Variants in TMOD3 observed in about 807,000 individuals in gnomAD.
The protein encoded by TMOD3 is tropomodulin 3, also known as tropomodulin-3.
A neutral mutation model predicts 39.2 loss-of-function variants in TMOD3; 20 were observed. That is an observed-to-expected ratio of 0.51 (90% confidence interval 0.36 to 0.74). TMOD3 has a LOEUF of 0.74. Among genes scored for constraint, TMOD3 ranks in the 30% least tolerant of loss-of-function variants. TMOD3 has a pLI of 0.00. For synonymous variants in TMOD3, 143 were observed against 145.8 expected (o/e 0.98, Z 0.14); for missense variants, 381 against 412.8 (o/e 0.92, Z 0.67).
chr15:51,874,242 T>C (rs1017099670), intron 3 of TMOD3, among the ~76,000 whole-genome samples: 5 of 152,214 alleles, frequency 3.3e-5, no homozygotes, highest in Non-Finnish European at 7.3e-5. Context: ...TTAAGAGTTA[T>C]TATATGTAAA....
intron 3 of TMOD3, among the ~76,000 whole-genome samples, chr15:51,877,272 T>C (rs1339692661): frequency 9.2e-5 from 14 of 152,234 alleles, no homozygotes; most frequent in South Asian, 2.1e-4. Context: ...ATCAAACATA[T>C]TAACTTTCCA....
At chr15:51,861,072 A>G (rs1595895920) in intron 1 of TMOD3, 4 of 657,896 alleles carry the variant, frequency 6.1e-6, no homozygotes, top group Non-Finnish European at 7.9e-6. Context: ...TGAATATCCA[A>G]TGCGTGTTCT....
rs574601536 is a variant in TMOD3, at chr15:51,864,484, G to C, written c.126+1474G>C. 4.6e-5 allele frequency among the ~76,000 whole-genome samples: 7 copies of C among 152,134 alleles called. No homozygotes were observed. The East Asian group carries it at 1.4e-3, about 29-fold the overall frequency. ...GTTGTTTTAATCAGGTTTGGTAATGGATGACACACACTGAAACTACTGCCT... is the reference window on the plus strand; with the variant it reads ...GTTGTTTTAATCAGGTTTGGTAATGCATGACACACACTGAAACTACTGCCT... On this transcript the variant is annotated intron_variant, in intron 2 of 9. Coordinates refer to ENST00000308580, the MANE Select transcript of TMOD3 (RefSeq NM_014547.5).
intron 2 of TMOD3, among the ~76,000 whole-genome samples, chr15:51,865,188 C>T (rs1402089179): frequency 6.6e-6 from 1 of 152,032 alleles, no homozygotes; most frequent in African/African-American, 2.4e-5. Flanking sequence ...GACAGGGTCT[C>T]GTTATGTTAC....
chr15:51,887,504 G>C, intron 3 of TMOD3, 85 bp from the exon 4 acceptor site: 2 of 1,396,930 alleles, frequency 1.4e-6, no homozygotes, highest in Non-Finnish European at 1.9e-6. Flanking sequence ...TTCAGGTTCA[G>C]TTGTACATGC....
intron 9 of TMOD3, among the ~76,000 whole-genome samples, chr15:51,903,684 T>A (rs1464823311): frequency 6.6e-6 from 1 of 152,220 alleles, no homozygotes; most frequent in African/African-American, 2.4e-5. Context: ...GCTTCACTAG[T>A]TAGCTTCTAT....
intron 3 of TMOD3, among the ~76,000 whole-genome samples, chr15:51,885,219 T>C (rs1197766260): frequency 1.3e-5 from 2 of 152,198 alleles, no homozygotes; most frequent in Admixed American, 6.5e-5. Context: ...ATGGAACATA[T>C]GGTCATAAAC....
Position 51,869,344 on chromosome 15 carries a change from A to G in TMOD3, c.254A>G (p.Asp85Gly). ...GCATTGGAGCATAAAGACAGGGAAGACTATGTGCCCTACACTGGAGAAAAA... is the reference window on the plus strand; with the variant it reads ...GCATTGGAGCATAAAGACAGGGAAGGCTATGTGCCCTACACTGGAGAAAAA... ...KEALEHKDRE[D>G]YVPYTGEKKG... The change falls in exon 3 of 10, where the codon GAC becomes GGC. Residue 85 changes from aspartate (D) to glycine (G), a missense_variant. Coordinates refer to ENST00000308580, the MANE Select transcript of TMOD3 (RefSeq NM_014547.5). The G allele has an allele frequency of 1.9e-6, 3 of 1,614,090 alleles. No individual in the cohort carries two copies. The highest frequency in any genetic ancestry group is 2.5e-6 in the Non-Finnish European group (3 of 1,179,992).
intron 3 of TMOD3, among the ~76,000 whole-genome samples, chr15:51,883,410 G>C (rs1000459973): frequency 6.6e-6 from 1 of 151,990 alleles, no homozygotes; most frequent in African/African-American, 2.4e-5. Context: ...AGATTCCATC[G>C]GTCCCTCAAA....
chr15:51,892,699 T>G (rs2056599813), intron 5 of TMOD3, among the ~76,000 whole-genome samples: 1 of 152,218 alleles, frequency 6.6e-6, no homozygotes, highest in Non-Finnish European at 1.5e-5. Context: ...CACCTTATTC[T>G]TCTCATTTAG....
At chr15:51,851,421 C>T (rs2056361401) in intron 1 of TMOD3, among the ~76,000 whole-genome samples, 1 of 152,150 alleles carries the variant, frequency 6.6e-6, no homozygotes, top group Admixed American at 6.5e-5. Context: ...ATGGCATTAA[C>T]AAAAATACAT....
intron 9 of TMOD3, among the ~76,000 whole-genome samples, chr15:51,902,578 C>G (rs376363685): frequency 7.9e-5 from 12 of 151,606 alleles, no homozygotes; most frequent in African/African-American, 2.7e-4. Context: ...TCAAGTGATT[C>G]TCCTCCCTCA....
chr15:51,897,187 G>C (rs1180188834), intron 7 of TMOD3, among the ~76,000 whole-genome samples: 2 of 152,016 alleles, frequency 1.3e-5, no homozygotes, highest in Non-Finnish European at 2.9e-5. Context: ...CCAGAACGTG[G>C]TCCTTCTTTT....
rs765925986 is a variant in TMOD3, at chr15:51,902,022, A to G, written c.1010A>G (p.Lys337Arg). ...PRTRAANAIT[K>R]NNDLVRKRRV... ...ACCAGAGCAGCTAATGCTATAACAA[A>G]AAACAATGACTTAGGTAAGACATAG... is the stretch of plus-strand genomic sequence containing the variant. The change falls in exon 9 of 10, where the codon AAA becomes AGA. Residue 337 changes from lysine to arginine, a missense_variant. Physicochemically the swap from Lys to Arg is conservative, Grantham distance 26. Coordinates refer to ENST00000308580, the MANE Select transcript of TMOD3 (RefSeq NM_014547.5). 9.3e-6 allele frequency: 15 copies of G among 1,613,986 alleles called. No individual in the cohort carries two copies. Among genetic ancestry groups the G allele is most frequent in the Non-Finnish European group, 1.3e-5 (15 of 1,180,022 alleles).
intron 1 of TMOD3, among the ~76,000 whole-genome samples, chr15:51,853,272 G>C (rs1262165627): frequency 6.6e-6 from 1 of 152,152 alleles, no homozygotes; most frequent in African/African-American, 2.4e-5. Flanking sequence ...TGCAATCATG[G>C]CTGACTGCAG....
At chr15:51,840,684 T>G (rs1487711723) in intron 1 of TMOD3, among the ~76,000 whole-genome samples, 3 of 152,228 alleles carry the variant, frequency 2.0e-5, no homozygotes, top group Non-Finnish European at 4.4e-5. Flanking sequence ...GAGTCCCTGA[T>G]GCTTAATTTA....
At chr15:51,853,626 G>A (rs2056372958) in intron 1 of TMOD3, among the ~76,000 whole-genome samples, 1 of 152,014 alleles carries the variant, frequency 6.6e-6, no homozygotes, top group Non-Finnish European at 1.5e-5. Context: ...ACAACCTGTG[G>A]TTATAATGGA....
intron 1 of TMOD3, among the ~76,000 whole-genome samples, chr15:51,848,592 A>C (rs2056346854): frequency 6.6e-6 from 1 of 152,234 alleles, no homozygotes; most frequent in South Asian, 2.1e-4. Flanking sequence ...TTTTTAATTG[A>C]AGTAAATTGA....
At position 51,889,024 on chromosome 15, in the gene TMOD3, A is replaced by G. The variant is rs375076551; in HGVS notation, c.407-32A>G. 10 of 1,424,760 alleles carry G rather than the reference A, an allele frequency of 7.0e-6. No individual in the cohort carries two copies. The African/African-American group carries it at 1.2e-4, about 17-fold the overall frequency. The allele number at this position is 1,424,760 out of a possible 1,614,324, so 88.3% of individuals were successfully genotyped here. On this transcript the variant is annotated intron_variant, in intron 4 of 9. Coordinates refer to ENST00000308580, the MANE Select transcript of TMOD3 (RefSeq NM_014547.5). The stretch of plus-strand genomic sequence containing the variant: ...AGTTGTAAAACTCTTCATGTTTAAA[A>G]CAATAAAAACTTTCTTTTTCTGTAT...
Sources: allele counts gnomAD v4.1 joint callset (sites outside exome capture counted in the v4.1 genomes callset), GRCh38; gene constraint gnomAD v4.1.1; transcripts MANE v1.5; gene names NCBI Gene and HGNC (gene_info 2026-07-23, HGNC 2026-07-21).